NEK1: variants seen among roughly 807,000 people sequenced by gnomAD.
NEK1 encodes NIMA related kinase 1.
NEK1 carries 137 observed loss-of-function variants against 182.1 expected under a neutral mutation model. The observed-to-expected ratio is 0.75, with a 90% CI of 0.65 to 0.87. The LOEUF (loss-of-function observed/expected upper bound fraction) is 0.87, where lower values mean the gene tolerates loss of function less well. Ranked by LOEUF, NEK1 falls within the 40% of genes least tolerant of loss-of-function variation. NEK1 has a pLI of 0.00. For missense variants in NEK1, 1,391 were observed against 1,494.4 expected (o/e 0.93, Z 1.14); for synonymous variants, 513 against 492.2 (o/e 1.04, Z -0.56).
intron 23 of NEK1, among the ~76,000 whole-genome samples, chr4:169,506,028 A>AT: frequency 6.6e-6 from 1 of 151,950 alleles, no homozygotes; most frequent in East Asian, 1.9e-4. Context: ...AACTATGTCA[A>AT]TTCTTCTTAA....
chr4:169,418,482 C>T (rs184967106), intron 31 of NEK1, among the ~76,000 whole-genome samples: 136 of 152,142 alleles, frequency 8.9e-4, no homozygotes, highest in African/African-American at 3.1e-3. Context: ...TGATGGAACT[C>T]GCACATAAGG....
At chr4:169,543,518 T>C (rs1487233211) in intron 18 of NEK1, among the ~76,000 whole-genome samples, 1 of 152,330 alleles carries the variant, frequency 6.6e-6, no homozygotes, top group South Asian at 2.1e-4. Context: ...GCTAATTCTG[T>C]GAAGAAAGTC....
chr4:169,475,981 C>T (rs1179569843), intron 26 of NEK1, among the ~76,000 whole-genome samples: 2 of 151,574 alleles, frequency 1.3e-5, no homozygotes, highest in Non-Finnish European at 2.9e-5. Flanking sequence ...AACTGGAGTC[C>T]CTAAAGGACA....
At chr4:169,471,407 C>G (rs1188818672) in intron 26 of NEK1, among the ~76,000 whole-genome samples, 2 of 152,172 alleles carry the variant, frequency 1.3e-5, no homozygotes, top group Non-Finnish European at 2.9e-5. Context: ...CTGGAATTTA[C>G]TGAAGTTCCA....
At position 169,479,389 on chromosome 4, in the gene NEK1, C is replaced by G; in HGVS notation, c.2139+14G>C. 1.2e-6 allele frequency: 2 copies of G among 1,604,230 alleles called. No individual in the cohort carries two copies. The highest frequency in any genetic ancestry group is 1.7e-6 in the Non-Finnish European group (2 of 1,175,728). On this transcript the variant is annotated intron_variant, in intron 24 of 35. Coordinates refer to ENST00000507142, the MANE Select transcript of NEK1 (RefSeq NM_001199397.3). ...CTTTTGACTTTGAGGAGTTCTGAAT[C>G]TTAGGAAACTTACCACGCCAACTTC...
At chr4:169,461,324 T>C (rs1579858966) in intron 27 of NEK1, among the ~76,000 whole-genome samples, 1 of 152,120 alleles carries the variant, frequency 6.6e-6, no homozygotes, top group African/African-American at 2.4e-5. Flanking sequence ...ACCCAAAAAT[T>C]GCTTATTCTC....
intron 27 of NEK1, among the ~76,000 whole-genome samples, chr4:169,455,995 C>T (rs1032368766): frequency 4.6e-5 from 7 of 151,964 alleles, no homozygotes; most frequent in Non-Finnish European, 7.4e-5. Flanking sequence ...TTCAAAAAAC[C>T]TGAAATTATA....
intron 19 of NEK1, among the ~76,000 whole-genome samples, chr4:169,513,996 T>TA (rs1250088501): frequency 3.3e-5 from 5 of 151,402 alleles, no homozygotes; most frequent in Non-Finnish European, 5.9e-5. Context: ...TTTATTTATT[T>TA]ATTTTTTGAG....
chr4:169,565,586 T>A (rs1763551624), intron 12 of NEK1, among the ~76,000 whole-genome samples: 1 of 152,242 alleles, frequency 6.6e-6, no homozygotes, highest in African/African-American at 2.4e-5. Context: ...TAAAAATACA[T>A]ATTCCTTCTA....
intron 27 of NEK1, among the ~76,000 whole-genome samples, chr4:169,439,601 CATTATT>C (rs1312256006): frequency 6.6e-6 from 1 of 151,872 alleles, no homozygotes; most frequent in Admixed American, 6.6e-5. Context: ...TACCATATCG[CATTATT>C]ATTATTATTA....
chr4:169,397,228 G>GAA (rs60586351), intron 35 of NEK1, among the ~76,000 whole-genome samples: 21 of 146,974 alleles, frequency 1.4e-4, no homozygotes, highest in Admixed American at 2.7e-4. Flanking sequence ...TGTCTCCATA[G>GAA]AAAAAAAAAA....
At chr4:169,570,791 AAAG>A (rs1404129584) in intron 12 of NEK1, among the ~76,000 whole-genome samples, 1 of 152,216 alleles carries the variant, frequency 6.6e-6, no homozygotes, top group African/African-American at 2.4e-5. Flanking sequence ...GTCTGTGTAG[AAAG>A]AAGTAGACAT....
At chr4:169,535,918 A>G (rs1169124121) in intron 19 of NEK1, among the ~76,000 whole-genome samples, 1 of 151,408 alleles carries the variant, frequency 6.6e-6, no homozygotes, top group Non-Finnish European at 1.5e-5. Flanking sequence ...GAAATAATGG[A>G]TGAAAAATTT....
At chr4:169,446,767 C>T (rs1740649841) in intron 27 of NEK1, among the ~76,000 whole-genome samples, 1 of 152,054 alleles carries the variant, frequency 6.6e-6, no homozygotes, top group African/African-American at 2.4e-5. Flanking sequence ...AACTGGCATA[C>T]TGATGAATGC....
At chr4:169,500,894 A>G (rs980863838) in intron 23 of NEK1, among the ~76,000 whole-genome samples, 4 of 152,222 alleles carry the variant, frequency 2.6e-5, no homozygotes, top group Admixed American at 2.0e-4. Flanking sequence ...AGAGGAAGAA[A>G]ACCTCACGTA....
At chr4:169,424,962 C>G (rs1736122104) in intron 30 of NEK1, among the ~76,000 whole-genome samples, 162 bp from the exon 31 acceptor site, 1 of 152,274 alleles carries the variant, frequency 6.6e-6, no homozygotes, top group African/African-American at 2.4e-5. Flanking sequence ...TCTGAATAAT[C>G]TTTAATAGGA....
chr4:169,445,094 G>A (rs1394540717), intron 27 of NEK1, among the ~76,000 whole-genome samples: 1 of 151,844 alleles, frequency 6.6e-6, no homozygotes, highest in Non-Finnish European at 1.5e-5. Flanking sequence ...ATGGGAAACA[G>A]CAAAAGCAGT....
intron 35 of NEK1, 51 bp from the exon 36 acceptor site, chr4:169,394,574 C>T: frequency 2.5e-6 from 3 of 1,180,558 alleles, no homozygotes; most frequent in Non-Finnish European, 2.4e-6. Context: ...GCTGTATCTA[C>T]TTTAAAAAAA....
intron 11 of NEK1, among the ~76,000 whole-genome samples, chr4:169,578,248 CAGAGT>C (rs1304528355): frequency 2.0e-5 from 3 of 152,086 alleles, no homozygotes; most frequent in Non-Finnish European, 2.9e-5. Context: ...TAAAAGAAGT[CAGAGT>C]AGAGTCTACA....
Sources: allele counts gnomAD v4.1 joint callset (sites outside exome capture counted in the v4.1 genomes callset), GRCh38; gene constraint gnomAD v4.1.1; transcripts MANE v1.5; gene names NCBI Gene and HGNC (gene_info 2026-07-23, HGNC 2026-07-21).